The following MUC12 variants were observed in gnomAD, a reference collection of about 807,000 sequenced individuals.
MUC12 encodes the protein mucin 12, cell surface associated.
A neutral mutation model predicts 230.8 loss-of-function variants in MUC12; 172 were observed. The observed-to-expected ratio is 0.75, with a 90% CI of 0.66 to 0.85. The LOEUF (loss-of-function observed/expected upper bound fraction) is 0.85. Ranked by LOEUF, MUC12 falls within the 40% of genes least tolerant of loss-of-function variation. MUC12 has a pLI of 0.00. For synonymous variants in MUC12, 1,259 were observed against 2,401.9 expected (o/e 0.52, Z 13.91); for missense variants, 3,506 against 5,920.6 (o/e 0.59, Z 13.38).
At position 100,991,597 on chromosome 7, in the gene MUC12, C is replaced by G; in HGVS notation, c.1034C>G (p.Pro345Arg). The change falls in exon 2 of 12, where the codon CCA (proline) becomes CGA (arginine). Residue 345 changes from proline to arginine, a missense_variant. Transcript: ENST00000536621. Reference sequence around the variant, plus strand: ...CCAGTTGCAACTGCAACAACACCCCCACCTGCCCGCTCCGCGACCTCAGGC... The same window carrying G: ...CCAGTTGCAACTGCAACAACACCCCGACCTGCCCGCTCCGCGACCTCAGGC... ...SSPVATATTP[P>R]PARSATSGHV... is the part of the protein sequence containing the mutation. The G allele has an allele frequency of 6.5e-7, 1 of 1,536,746 alleles. No individual in the cohort carries two copies. Among genetic ancestry groups the G allele is most frequent in the Non-Finnish European group, 8.7e-7 (1 of 1,146,348 alleles).
chr7:101,013,933 A>G lies in MUC12; in HGVS notation c.15659A>G (p.His5220Arg), dbSNP rs1793877158. 6.5e-7 allele frequency: 1 copy of G among 1,535,666 alleles called. No individual in the cohort carries two copies. The highest frequency in any genetic ancestry group is 1.2e-5 in the South Asian group (1 of 83,652). Residue 5220 changes from histidine to arginine, a missense_variant, in exon 9 of 12, where the codon CAC becomes CGC. Transcript: ENST00000536621. ...PRCLCPNTNT[H>R]WYWGETCEFN... ...CCCAGGTGCCCAAATACGAACACAC[A>G]CTGGTACTGGGGAGAGACCTGTGAA...
Position 101,005,001 on chromosome 7 carries a change from T to C in MUC12, c.14438T>C (p.Ile4813Thr). 1.3e-6 allele frequency: 2 copies of C among 1,537,494 alleles called. No homozygotes were observed. Among genetic ancestry groups the C allele is most frequent in the Non-Finnish European group, 1.7e-6 (2 of 1,146,974 alleles). ...GAGACAACACTGTCCCCTGGCAGCA[T>C]CACAACTTCATCTTTTGCTCAAGAA... ...STETTLSPGS[I>T]TTSSFAQEFT... Residue 4813 changes from isoleucine to threonine, a missense_variant, in exon 2 of 12, where the codon ATC becomes ACC. Physicochemically the swap from Ile to Thr is moderately conservative, Grantham distance 89. Coordinates refer to ENST00000536621, the MANE Select transcript of MUC12 (RefSeq NM_001164462.2).
At chr7:100,981,308 C>A in intron 1 of MUC12, 1 of 500,940 alleles carries the variant, frequency 2.0e-6, no homozygotes, top group Non-Finnish European at 3.5e-6. Flanking sequence ...CCACCAGAAT[C>A]CCAGGTTGGG....
chr7:101,004,575 C>G lies in MUC12; in HGVS notation c.14012C>G (p.Pro4671Arg), dbSNP rs1172208682. 9 of 1,537,452 alleles carry G rather than the reference C, an allele frequency of 5.9e-6. No individual in the cohort carries two copies. Among genetic ancestry groups the G allele is most frequent in the African/African-American group, 2.7e-5 (2 of 72,978 alleles). Reference protein sequence around the residue: ...SPGSIATTHFPESSTTSGRSE... With the variant: ...SPGSIATTHFRESSTTSGRSE... The stretch of plus-strand genomic sequence containing the variant: ...GGCTCAATTGCAACAACACACTTTC[C>G]TGAGAGCTCCACAACCTCCGGCCGT... The change falls in exon 2 of 12, where the codon CCT (proline) becomes CGT (arginine). Residue 4671 changes from proline (P) to arginine (R), a missense_variant. By Grantham distance (103) the Pro-to-Arg change is moderately radical. Transcript: ENST00000536621.
intron 10 of MUC12, 184 bp from the exon 11 acceptor site, chr7:101,017,391 T>G: frequency 1.8e-6 from 1 of 556,452 alleles, no homozygotes. Context: ...AGCGGGCGGC[T>G]CCCCAGGCAG....
intron 1 of MUC12, among the ~76,000 whole-genome samples, chr7:100,971,181 C>CAACA (rs1792879691): frequency 9.6e-6 from 1 of 104,212 alleles, no homozygotes; most frequent in African/African-American, 4.8e-5. Flanking sequence ...AAGAAACAAA[C>CAACA]AAAAAAAAAA....
chr7:100,999,218 C>G lies in MUC12; in HGVS notation c.8655C>G (p.Ser2885=). 1.3e-6 allele frequency: 2 copies of G among 1,483,814 alleles called. No individual in the cohort carries two copies. Among genetic ancestry groups the G allele is most frequent in the Non-Finnish European group, 1.8e-6 (2 of 1,117,584 alleles). The allele number at this position is 1,483,814 out of a possible 1,614,324, so 91.9% of individuals were successfully genotyped here. Residue 2885 remains serine (S), a synonymous_variant, in exon 2 of 12, where the codon TCC becomes TCG. Transcript: ENST00000536621. ...SSGVSEESST[S]HSQPGSTHTT... is the part of the protein sequence containing the mutation. Reference sequence around the variant, plus strand: ...GCGTCAGTGAAGAATCCAGCACATCCCACAGTCAACCAGGCTCAACGCACA... The same window carrying G: ...GCGTCAGTGAAGAATCCAGCACATCGCACAGTCAACCAGGCTCAACGCACA...
chr7:101,005,043 G>A lies in MUC12; in HGVS notation c.14480G>A (p.Ser4827Asn), dbSNP rs1393744356. The part of the protein sequence containing the change: ...SFAQEFTTPH[S>N]QPGSALSTVS... Reference sequence around the variant, plus strand: ...GCTCAAGAATTTACCACCCCTCATAGCCAACCAGGCTCAGCTCTGTCAACA... The same window carrying A: ...GCTCAAGAATTTACCACCCCTCATAACCAACCAGGCTCAGCTCTGTCAACA... The change falls in exon 2 of 12, where the codon AGC (serine) becomes AAC (asparagine). Residue 4827 changes from serine to asparagine, a missense_variant. Coordinates refer to ENST00000536621, the MANE Select transcript of MUC12 (RefSeq NM_001164462.2). 2 of 1,537,638 alleles carry A rather than the reference G, an allele frequency of 1.3e-6. No individual in the cohort carries two copies. The highest frequency in any genetic ancestry group is 1.4e-5 in the African/African-American group (1 of 72,992).
chr7:101,017,583 C>G lies in MUC12; in HGVS notation c.15886C>G (p.Leu5296Val). ...QKTAIWEDQN[L>V]RESRFGLENA... ...ACGGCCTCTCCCTACAGACCAGAAT[C>G]TGAGGGAGAGCAGATTCGGCCTTGA... The change falls in exon 11 of 12, where the codon CTG (leucine) becomes GTG (valine). Residue 5296 changes from leucine to valine, a missense_variant. Coordinates refer to ENST00000536621, the MANE Select transcript of MUC12 (RefSeq NM_001164462.2). 6.5e-7 allele frequency: 1 copy of G among 1,535,170 alleles called. No individual in the cohort carries two copies. Among genetic ancestry groups the G allele is most frequent in the Non-Finnish European group, 8.7e-7 (1 of 1,145,452 alleles).
rs955386701 is a variant in MUC12, at chr7:101,013,975, G to C, written c.15701G>C (p.Ser5234Thr). 2.6e-6 allele frequency: 4 copies of C among 1,537,024 alleles called. No homozygotes were observed. In the African/African-American group the frequency reaches 5.5e-5, roughly 21 times the overall value. Reference sequence around the variant, plus strand: ...ACCTGTGAATTCAACATCGCCAAGAGCCTCGTGTATGGGATCGTGGGGGCT... The same window carrying C: ...ACCTGTGAATTCAACATCGCCAAGACCCTCGTGTATGGGATCGTGGGGGCT... ...GETCEFNIAK[S>T]LVYGIVGAVM... Residue 5234 changes from serine to threonine, a missense_variant, in exon 9 of 12, where the codon AGC (serine) becomes ACC (threonine). Coordinates refer to ENST00000536621, the MANE Select transcript of MUC12 (RefSeq NM_001164462.2).
At chr7:100,977,621 C>T (rs1361592289) in intron 1 of MUC12, among the ~76,000 whole-genome samples, 1 of 152,170 alleles carries the variant, frequency 6.6e-6, no homozygotes, top group Non-Finnish European at 1.5e-5. Flanking sequence ...ACCTTGGCCT[C>T]CCGAAGTGCT....
rs1233090609 is a variant in MUC12, at chr7:100,995,592, G to C, written c.5029G>C (p.Ala1677Pro). 5 of 1,536,808 alleles carry C rather than the reference G, an allele frequency of 3.3e-6. No homozygotes were observed. Among genetic ancestry groups the C allele is most frequent in the Non-Finnish European group, 4.4e-6 (5 of 1,147,030 alleles). Residue 1677 changes from alanine to proline, a missense_variant, in exon 2 of 12, where the codon GCC becomes CCC. By Grantham distance (27) the Ala-to-Pro change is conservative (BLOSUM62 -1). Transcript: ENST00000536621. ...TGSPHTTLSP[A>P]GSTTRQGEST... Reference sequence around the variant, plus strand: ...ATCGCCACACACAACACTGTCCCCTGCCGGCTCTACAACACGTCAGGGAGA... The same window carrying C: ...ATCGCCACACACAACACTGTCCCCTCCCGGCTCTACAACACGTCAGGGAGA...
chr7:101,013,195 C>G lies in MUC12; in HGVS notation c.15638+53C>G. ...ACTCTGTCCTGGTGATAGGGCCCTC[C>G]CCCTCCCCAGCAGTCACCCACAGGG... On this transcript the variant is annotated intron_variant, in intron 8 of 11. Transcript: ENST00000536621. The G allele has an allele frequency of 2.6e-6, 4 of 1,527,310 alleles. No individual in the cohort carries two copies. The South Asian group carries it at 4.8e-5, about 18-fold the overall frequency. The allele number at this position is 1,527,310 out of a possible 1,614,324, so 94.6% of individuals were successfully genotyped here.
At chr7:100,984,736 G>A (rs1029474482) in intron 1 of MUC12, among the ~76,000 whole-genome samples, 2 of 152,174 alleles carry the variant, frequency 1.3e-5, no homozygotes, top group South Asian at 2.1e-4. Context: ...TGCAGTCCAC[G>A]TAGGTGAGCT....
chr7:100,991,330 C>T lies in MUC12; in HGVS notation c.767C>T (p.Thr256Ile), dbSNP rs1793293866. 2.6e-6 allele frequency: 4 copies of T among 1,537,802 alleles called. No individual in the cohort carries two copies. Among genetic ancestry groups the T allele is most frequent in the Non-Finnish European group, 2.6e-6 (3 of 1,147,028 alleles). The change falls in exon 2 of 12, where the codon ACT becomes ATT. Residue 256 changes from threonine (T) to isoleucine (I), a missense_variant. Coordinates refer to ENST00000536621, the MANE Select transcript of MUC12 (RefSeq NM_001164462.2). ...GCATCTACGCCCGTCCACAGCAGCACTGGATCGCCACACACAACACTGTCC... is the reference window on the plus strand; with the variant it reads ...GCATCTACGCCCGTCCACAGCAGCATTGGATCGCCACACACAACACTGTCC... ...LEASTPVHSS[T>I]GSPHTTLSPS...
chr7:100,981,547 G>A (rs994024204), intron 1 of MUC12: 1 of 439,408 alleles, frequency 2.3e-6, no homozygotes, highest in Admixed American at 4.2e-5. Flanking sequence ...ATTTCAGAAA[G>A]AGGAAGGGCA....
intron 2 of MUC12, 39 bp from the exon 3 acceptor site, chr7:101,006,432 G>C (rs1442180211): frequency 4.2e-6 from 6 of 1,436,374 alleles, no homozygotes; most frequent in Non-Finnish European, 5.7e-6. Flanking sequence ...TGCTCTTTGG[G>C]CTCCCACGGT....
chr7:100,993,972 G>A lies in MUC12; in HGVS notation c.3409G>A (p.Gly1137Ser), dbSNP rs530460724. The part of the protein sequence containing the change: ...EESTTSRSQP[G>S]STHSTVSPAS... Reference sequence around the variant, plus strand: ...ATCCACCACCTCCCGTAGCCAACCAGGTTCTACTCACTCAACAGTGTCACC... The same window carrying A: ...ATCCACCACCTCCCGTAGCCAACCAAGTTCTACTCACTCAACAGTGTCACC... Residue 1137 changes from glycine (G) to serine (S), a missense_variant, in exon 2 of 12, where the codon GGT becomes AGT. Transcript: ENST00000536621. The A allele has an allele frequency of 9.6e-4, 1,324 of 1,379,260 alleles. 182 individuals are homozygous for A. Among genetic ancestry groups the A allele is most frequent in the Non-Finnish European group, 1.2e-3 (1,281 of 1,049,948 alleles). 85.4% of individuals were successfully genotyped at this position (1,379,260 alleles called of 1,614,324 possible).
rs749056370 is a variant in MUC12 at position 100,991,868 on chromosome 7, G to C, written c.1305G>C (p.Glu435Asp). 6.5e-7 allele frequency: 1 copy of C among 1,537,482 alleles called. No individual in the cohort carries two copies. Among genetic ancestry groups the C allele is most frequent in the Non-Finnish European group, 8.7e-7 (1 of 1,146,810 alleles). ...GCTCCACAATCTCAGGCCGTAGTGA[G>C]GAATCAAAAGCATCCCACAGCAGCC... ...RDSSTISGRS[E>D]ESKASHSSPD... Residue 435 changes from glutamate to aspartate, a missense_variant, in exon 2 of 12, where the codon GAG becomes GAC. By Grantham distance (45) the Glu-to-Asp change is conservative. Transcript: ENST00000536621.
Sources: gnomAD v4.1 joint callset for allele counts (sites outside exome capture counted in the v4.1 genomes callset) on GRCh38, gnomAD v4.1.1 for gene constraint, MANE v1.5 for transcripts, NCBI Gene and HGNC (gene_info 2026-07-23, HGNC 2026-07-21) for gene names.